The following EPS15 variants were observed in gnomAD, a reference collection of about 807,000 sequenced individuals.
EPS15 encodes epidermal growth factor receptor pathway substrate 15, also known as epidermal growth factor receptor substrate 15.
Under a neutral mutation model 113.8 loss-of-function variants are expected in EPS15, and 72 were observed. That is an observed-to-expected ratio of 0.63 (90% CI 0.52 to 0.77). EPS15 has a LOEUF of 0.77. Among genes scored for constraint, EPS15 ranks in the 30% least tolerant of loss-of-function variants. The probability of loss-of-function intolerance (pLI) is 0.00; values close to 1 mark genes in which losing one functional copy is unlikely to be tolerated. For missense variants in EPS15, 1,048 were observed against 1,045.8 expected (o/e 1.00, Z -0.03); for synonymous variants, 344 against 363.4 (o/e 0.95, Z 0.61).
At chr1:51,384,804 T>A (rs984907894) in intron 21 of EPS15, among the ~76,000 whole-genome samples, 5 of 152,100 alleles carry the variant, frequency 3.3e-5, no homozygotes, top group African/African-American at 1.2e-4. Flanking sequence ...ACATATATGG[T>A]CAAATGATTT....
intron 8 of EPS15, among the ~76,000 whole-genome samples, chr1:51,451,922 T>C (rs925004418): frequency 1.3e-5 from 2 of 149,520 alleles, no homozygotes; most frequent in African/African-American, 5.0e-5. Context: ...GGTTGGTTTG[T>C]TTTTTGCCCA....
At chr1:51,401,138 C>G (rs1369733305) in intron 18 of EPS15, 185 bp from the exon 19 acceptor site, 2 of 447,910 alleles carry the variant, frequency 4.5e-6, no homozygotes, top group Admixed American at 4.4e-5. Flanking sequence ...TTACCTTGAT[C>G]ACAAGTTGAG....
intron 2 of EPS15, among the ~76,000 whole-genome samples, chr1:51,479,638 G>T (rs1408435180): frequency 6.6e-6 from 1 of 152,120 alleles, no homozygotes; most frequent in Non-Finnish European, 1.5e-5. Context: ...TACTTGTATG[G>T]AATGTTTTTA....
chr1:51,455,451 G>A (rs1217365835), intron 8 of EPS15, among the ~76,000 whole-genome samples: 2 of 151,970 alleles, frequency 1.3e-5, no homozygotes, highest in African/African-American at 4.8e-5. Context: ...TTAGCCAGGC[G>A]TGGTGGCGGG....
intron 21 of EPS15, among the ~76,000 whole-genome samples, chr1:51,366,812 A>C (rs111810023): frequency 3.8e-4 from 57 of 151,732 alleles, no homozygotes; most frequent in Non-Finnish European, 6.6e-4. Context: ...CACAGCAAGA[A>C]GTAATTTTTT....
In EPS15 at chr1:51,406,630, AT is replaced by A. The variant is rs1000959079; in HGVS notation, c.1474-523del. Among the ~76,000 whole-genome samples the A allele has an allele frequency of 3.6e-3, 547 of 150,726 alleles. 4 individuals carry two copies. Among genetic ancestry groups the A allele is most frequent in the African/African-American group, 0.013 (514 of 41,110 alleles). On this transcript the variant is annotated intron_variant, in intron 15 of 24. Transcript: ENST00000371733. The stretch of plus-strand genomic sequence containing the variant: ...TCTCTTGAAATTTTAGTATACATGG[AT>A]TTTTTTTTTAAAGAGATTCAAAAAA...
chr1:51,440,277 CTGTGTGTGTGTGTGTG>C (rs3040220), intron 12 of EPS15, 54 bp downstream of exon 12: 6 of 444,658 alleles, frequency 1.3e-5, no homozygotes, highest in South Asian at 8.5e-5. Flanking sequence ...TATACATGTA[CTGTGTGTGTGTGTGTG>C]TGTGTGTGTG....
At chr1:51,459,747 T>C (rs960675237) in intron 8 of EPS15, among the ~76,000 whole-genome samples, 1 of 151,976 alleles carries the variant, frequency 6.6e-6, no homozygotes, top group Non-Finnish European at 1.5e-5. Context: ...TTAACCACTT[T>C]AAAATTAGGA....
chr1:51,418,443 G>A (rs1486026204), intron 13 of EPS15, among the ~76,000 whole-genome samples: 3 of 152,066 alleles, frequency 2.0e-5, no homozygotes, highest in African/African-American at 7.2e-5. Flanking sequence ...GGGAGAAAAT[G>A]CACAGTGTGG....
chr1:51,419,985 A>G (rs150585709), intron 13 of EPS15, among the ~76,000 whole-genome samples: 47 of 152,244 alleles, frequency 3.1e-4, no homozygotes, highest in African/African-American at 9.6e-4. Context: ...TAAATAATGA[A>G]TCTACTAACC....
chr1:51,415,745 G>A (rs954123999), intron 13 of EPS15, among the ~76,000 whole-genome samples: 5 of 125,242 alleles, frequency 4.0e-5, no homozygotes, highest in East Asian at 2.7e-4. Flanking sequence ...GCAGTGAGTC[G>A]AGATCGTGCC....
In EPS15 at chr1:51,491,457, G is replaced by T. The variant is rs551385531; in HGVS notation, c.34-10143C>A. ...ACATAGGTTTATAGTTTGCAAGACA[G>T]AACATTTAGAAGCTTTTGATAGGCT... On this transcript the variant is annotated intron_variant, in intron 1 of 24. Transcript: ENST00000371733. Among the ~76,000 whole-genome samples the T allele has an allele frequency of 2.6e-5, 4 of 152,276 alleles. No individual in the cohort carries two copies. In the East Asian group the frequency reaches 7.7e-4, roughly 29 times the overall value.
In EPS15 at chr1:51,403,986, G is replaced by A. The variant is rs143291064; in HGVS notation, c.1678-454C>T. 5.8e-4 allele frequency among the ~76,000 whole-genome samples: 88 copies of A among 152,222 alleles called. No individual in the cohort carries two copies. In the East Asian group the frequency reaches 0.013, roughly 22 times the overall value. ...TGTGGATGTGATCGTGACCCTTCTG[G>A]TTAAAAGTCCTTCAATGGCTTCCCA... On this transcript the variant is annotated intron_variant, in intron 16 of 24. Transcript: ENST00000371733.
intron 1 of EPS15, among the ~76,000 whole-genome samples, chr1:51,506,454 A>G (rs1046184777): frequency 6.6e-6 from 1 of 152,204 alleles, no homozygotes; most frequent in African/African-American, 2.4e-5. Context: ...TATCAAACAG[A>G]CATAAGTGCT....
At chr1:51,399,262 A>G (rs1648274505) in intron 19 of EPS15, 97 bp from the exon 20 acceptor site, 1 of 1,179,828 alleles carries the variant, frequency 8.5e-7, no homozygotes, top group Non-Finnish European at 1.2e-6. Flanking sequence ...ATTAAAAGAC[A>G]GTCTGGGGCC....
At chr1:51,362,958 T>TA (rs779313976) in intron 23 of EPS15, among the ~76,000 whole-genome samples, 5 of 152,104 alleles carry the variant, frequency 3.3e-5, no homozygotes, top group Admixed American at 6.6e-5. Flanking sequence ...ACACACATAC[T>TA]AATTATACAT....
At chr1:51,362,344 C>A (rs1042615520) in intron 23 of EPS15, among the ~76,000 whole-genome samples, 3 of 152,128 alleles carry the variant, frequency 2.0e-5, no homozygotes, top group Admixed American at 2.0e-4. Context: ...AGAAACAGAA[C>A]CCAGATATTT....
intron 19 of EPS15, among the ~76,000 whole-genome samples, chr1:51,399,735 C>T (rs1333236910): frequency 2.0e-5 from 3 of 151,636 alleles, no homozygotes; most frequent in African/African-American, 4.8e-5. Context: ...GGTGCGCGCC[C>T]GTAATCCTGG....
chr1:51,511,217 G>A (rs751191407), intron 1 of EPS15, among the ~76,000 whole-genome samples: 30 of 151,460 alleles, frequency 2.0e-4, no homozygotes, highest in Non-Finnish European at 3.1e-4. Context: ...TGATTTGGCC[G>A]GGCGCAGTGG....
Sources: gnomAD v4.1 joint callset for allele counts (sites outside exome capture counted in the v4.1 genomes callset) on GRCh38, gnomAD v4.1.1 for gene constraint, MANE v1.5 for transcripts, NCBI Gene and HGNC (gene_info 2026-07-23, HGNC 2026-07-21) for gene names.